Variants in CABLES1 observed in about 807,000 individuals in gnomAD.
CABLES1 encodes CDK5 and ABL1 enzyme substrate 1.
In CABLES1, 36 loss-of-function variants were observed where a neutral mutation model predicts 57.8. The observed-to-expected ratio is 0.62, with a 90% confidence interval of 0.48 to 0.82. The LOEUF (loss-of-function observed/expected upper bound fraction) is 0.82, where lower values mean the gene tolerates loss of function less well. CABLES1 is among the 40% of genes least tolerant of loss of function. The pLI is 0.00. For missense variants in CABLES1, 767 were observed against 836.6 expected, an observed-to-expected ratio of 0.92 and a Z score of 1.03; for synonymous variants, 374 against 363.0, an observed-to-expected ratio of 1.03 and a Z score of -0.35.
At chr18:23,182,176 C>A (rs1268241221) in intron 1 of CABLES1, among the ~76,000 whole-genome samples, 2 of 152,208 alleles carry the variant, frequency 1.3e-5, no homozygotes, top group Non-Finnish European at 2.9e-5. Context: ...AGAACTGGTT[C>A]TTCACACCCA....
chr18:23,156,978 C>T (rs2046970156), intron 1 of CABLES1, among the ~76,000 whole-genome samples: 1 of 152,198 alleles, frequency 6.6e-6, no homozygotes, highest in Non-Finnish European at 1.5e-5. Flanking sequence ...GCCTTGGTCA[C>T]CTCAACTAGG....
chr18:23,196,432 G>A (rs1475424675), intron 3 of CABLES1, among the ~76,000 whole-genome samples: 3 of 152,186 alleles, frequency 2.0e-5, no homozygotes, highest in Admixed American at 2.0e-4. Context: ...TTAGCAAGGA[G>A]GGATTGTCCT....
chr18:23,150,013 C>T (rs4800453), intron 1 of CABLES1: 2,395 of 152,292 alleles, frequency 0.016, 228 homozygotes, highest in Admixed American at 0.14. Context: ...GCATCACCAC[C>T]GTTAGGCTCG....
chr18:23,189,146 TTCTTTCCG>T, intron 2 of CABLES1: 1 of 460,992 alleles, frequency 2.2e-6, no homozygotes, highest in Non-Finnish European at 3.9e-6. Flanking sequence ...TTGGGTGCTT[TTCTTTCCG>T]TGGCGCCTCT....
Position 23,258,072 on chromosome 18 carries a change from A to ATTGT in CABLES1, c.*708_*711dup, listed in dbSNP as rs1555673201. 1 of 152,176 alleles carries ATTGT rather than the reference A, an allele frequency of 6.6e-6. No individual in the cohort carries two copies. The highest frequency in any genetic ancestry group is 2.4e-5 in the African/African-American group (1 of 41,414). The allele number at this position is 152,176 out of a possible 1,614,324, so 9.4% of individuals were successfully genotyped here. A position where few individuals can be genotyped will look rare whatever the true frequency, so the allele number is the denominator to read the frequency against. ...CCTCCACCCTTAGAAAATGACTGAC[A>ATTGT]TTGTTTTGTTACTGCTCCTACCCAC... On this transcript the variant is annotated 3_prime_UTR_variant, in exon 10 of 10. Coordinates refer to ENST00000256925, the MANE Select transcript of CABLES1 (RefSeq NM_001100619.3).
Position 23,253,922 on chromosome 18 carries a change from A to T in CABLES1, c.1747A>T (p.Lys583Ter). 1 of 1,614,136 alleles carries T rather than the reference A, an allele frequency of 6.2e-7. No individual in the cohort carries two copies. Among genetic ancestry groups the T allele is most frequent in the Non-Finnish European group, 8.5e-7 (1 of 1,180,030 alleles). ...IGSDLKKHEVKHLIDKLEEKF... is the reference protein window; with the variant it reads ...IGSDLKKHEV ...AAGTGACCTCAAAAAACACGAAGTC[A>T]AGCATTTAATTGACGTAAGTAGCCT... is the stretch of plus-strand genomic sequence containing the variant. Residue 583 changes from lysine to a stop codon, truncating the protein, a stop_gained, in exon 9 of 10, where the codon AAG (lysine) becomes TAG (stop). Transcript: ENST00000256925. LOFTEE classifies it high-confidence loss of function.
Position 23,137,751 on chromosome 18 carries a change from C to T in CABLES1, c.845+1144C>T, listed in dbSNP as rs7226820. ...GCCCGCCTCATCCACAAGTTTGCCC[C>T]TAGTGTACTTCTTCCGAAGTGGGTG... On this transcript the variant is annotated intron_variant, in intron 1 of 9. Transcript: ENST00000256925. 6.9e-3 allele frequency among the ~76,000 whole-genome samples: 1,051 copies of T among 152,268 alleles called. 8 individuals carry two copies. Among genetic ancestry groups the T allele is most frequent in the African/African-American group, 0.024 (989 of 41,538 alleles).
chr18:23,234,108 C>T (rs1388110295), intron 4 of CABLES1, among the ~76,000 whole-genome samples: 2 of 152,178 alleles, frequency 1.3e-5, no homozygotes, highest in Non-Finnish European at 2.9e-5. Flanking sequence ...ATCCCAGCTA[C>T]TCAGGAGGCT....
At chr18:23,193,848 A>G (rs2145024529) in intron 2 of CABLES1, among the ~76,000 whole-genome samples, 1 of 152,334 alleles carries the variant, frequency 6.6e-6, no homozygotes, top group South Asian at 2.1e-4. Context: ...TAGCTCAACA[A>G]ATGTTTATTT....
intron 3 of CABLES1, among the ~76,000 whole-genome samples, chr18:23,207,245 G>A (rs1362888189): frequency 1.3e-5 from 2 of 152,216 alleles, no homozygotes; most frequent in African/African-American, 2.4e-5. Flanking sequence ...CTGCCAGCCC[G>A]AGTTTTGCGT....
Position 23,240,452 on chromosome 18 carries a change from G to A in CABLES1, c.1446+3207G>A, listed in dbSNP as rs184693184. ...TCGGCCCCAGGCACAGGGAGCTGCCGCTGAAACAGGCCCTGGCTCCAAAGA... is the reference window on the plus strand; with the variant it reads ...TCGGCCCCAGGCACAGGGAGCTGCCACTGAAACAGGCCCTGGCTCCAAAGA... On this transcript the variant is annotated intron_variant, in intron 7 of 9. Transcript: ENST00000256925. Among the ~76,000 whole-genome samples, 353 of 152,342 alleles carry A rather than the reference G, an allele frequency of 2.3e-3. 3 individuals are homozygous for A. Among genetic ancestry groups the A allele is most frequent in the Admixed American group, 3.9e-3 (60 of 15,308 alleles).
intron 9 of CABLES1, 81 bp from the exon 10 acceptor site, chr18:23,257,146 T>G (rs1233622611): frequency 1.3e-4 from 200 of 1,489,564 alleles, no homozygotes; most frequent in East Asian, 4.2e-4. Context: ...CACTGGCTGG[T>G]GGATAGAGAA....
chr18:23,137,432 AAGTAGGCG>A (rs2046830328), intron 1 of CABLES1, among the ~76,000 whole-genome samples: 1 of 152,196 alleles, frequency 6.6e-6, no homozygotes, highest in Non-Finnish European at 1.5e-5. Flanking sequence ...CTTGCAAAAG[AAGTAGGCG>A]AGTAGGCGGG....
intron 2 of CABLES1, among the ~76,000 whole-genome samples, chr18:23,192,263 G>T (rs1283410588): frequency 6.6e-6 from 1 of 152,248 alleles, no homozygotes; most frequent in Admixed American, 6.5e-5. Flanking sequence ...AAACGTGGCT[G>T]CCATCGGCAC....
intron 1 of CABLES1, among the ~76,000 whole-genome samples, chr18:23,139,867 A>T (rs1248099887): frequency 1.3e-5 from 2 of 152,138 alleles, no homozygotes; most frequent in Non-Finnish European, 2.9e-5. Flanking sequence ...ATAATTTTTG[A>T]GCTGTTGGCT....
intron 7 of CABLES1, among the ~76,000 whole-genome samples, chr18:23,250,216 G>A (rs769327102): frequency 7.9e-5 from 12 of 152,208 alleles, no homozygotes; most frequent in African/African-American, 1.9e-4. Flanking sequence ...CTCACAGGGC[G>A]TCAGGCCCCC....
In CABLES1 at chr18:23,136,035, C is replaced by A; in HGVS notation, c.273C>A (p.Gly91=). The change falls in exon 1 of 10, where the codon GGC becomes GGA. Residue 91 remains glycine, a synonymous_variant. Coordinates refer to ENST00000256925, the MANE Select transcript of CABLES1 (RefSeq NM_001100619.3). The part of the protein sequence containing the change: ...QDAEWGGGEE[G]GAAKPGAGGA... ...CGGAGTGGGGCGGTGGCGAGGAGGG[C>A]GGCGCGGCCAAGCCGGGCGCCGGCG... 1 of 1,136,262 alleles carries A rather than the reference C, an allele frequency of 8.8e-7. No homozygotes were observed. Among genetic ancestry groups the A allele is most frequent in the Non-Finnish European group, 1.1e-6 (1 of 929,612 alleles). 70.4% of individuals were successfully genotyped at this position (1,136,262 alleles called of 1,614,324 possible).
At chr18:23,194,789 T>C (rs922779675) in intron 3 of CABLES1, among the ~76,000 whole-genome samples, 5 of 152,376 alleles carry the variant, frequency 3.3e-5, no homozygotes, top group Middle Eastern at 6.8e-3. Flanking sequence ...AACTGAGTTT[T>C]TGAGAACACA....
chr18:23,200,796 G>T (rs1014100505), intron 3 of CABLES1, among the ~76,000 whole-genome samples: 3 of 152,184 alleles, frequency 2.0e-5, no homozygotes, highest in South Asian at 4.1e-4. Context: ...CCTCACTATC[G>T]CATGTCCCTG....
Sources: allele counts gnomAD v4.1 joint callset (sites outside exome capture counted in the v4.1 genomes callset), GRCh38; gene constraint gnomAD v4.1.1; transcripts MANE v1.5; gene names NCBI Gene and HGNC (gene_info 2026-07-23, HGNC 2026-07-21).